The following GPC6 variants were observed in gnomAD, a reference collection of about 807,000 sequenced individuals.
GPC6 encodes the protein glypican 6.
A neutral mutation model predicts 55.2 loss-of-function variants in GPC6; 14 were observed. That is an observed-to-expected ratio of 0.25 (90% CI 0.17 to 0.40). The LOEUF (loss-of-function observed/expected upper bound fraction) is 0.40. Among genes scored for constraint, GPC6 ranks in the 10% least tolerant of loss-of-function variants. GPC6 has a pLI of 1.00. For synonymous variants in GPC6, 278 were observed against 259.6 expected, an observed-to-expected ratio of 1.07 and a Z score of -0.68; for missense variants, 641 against 708.5, an observed-to-expected ratio of 0.90 and a Z score of 1.08.
chr13:93,749,835 CT>C (rs1214320489), intron 2 of GPC6, among the ~76,000 whole-genome samples: 6 of 152,038 alleles, frequency 3.9e-5, no homozygotes, highest in African/African-American at 1.4e-4. Context: ...AAAGATTATC[CT>C]TTTTCTAACA....
intron 2 of GPC6, among the ~76,000 whole-genome samples, chr13:93,735,588 C>T (rs1314325111): frequency 1.3e-5 from 2 of 151,878 alleles, no homozygotes; most frequent in African/African-American, 4.8e-5. Flanking sequence ...GGATGACAAT[C>T]ATCTTTGATC....
rs75725281 is a variant in GPC6, at chr13:93,852,301, T to G, written c.711+21756T>G. Among the ~76,000 whole-genome samples, 241 of 151,850 alleles carry G rather than the reference T, an allele frequency of 1.6e-3. 1 individual carries two copies. The East Asian group carries it at 0.022, about 14-fold the overall frequency. On this transcript the variant is annotated intron_variant, in intron 3 of 8. Coordinates refer to ENST00000377047, the MANE Select transcript of GPC6 (RefSeq NM_005708.5). ...CAATGCCTTTTGGAAACGCATACTT[T>G]GTAAACTGCATATAAGATACACATG...
chr13:94,341,487 G>A lies in GPC6; in HGVS notation c.1152+35364G>A, dbSNP rs150257566. 5.5e-3 allele frequency among the ~76,000 whole-genome samples: 834 copies of A among 151,860 alleles called. 22 individuals are homozygous for A. In the East Asian group the frequency reaches 0.094, roughly 17 times the overall value. ...TGTAATCCCAGCTCCTTGGGAGGCT[G>A]AGGCAGGAGAATTGCTTAACCGGGG... On this transcript the variant is annotated intron_variant, in intron 6 of 8. Transcript: ENST00000377047.
intron 3 of GPC6, among the ~76,000 whole-genome samples, chr13:93,916,779 T>A (rs1335854047): frequency 6.6e-6 from 1 of 150,952 alleles, no homozygotes; most frequent in East Asian, 2.0e-4. Context: ...ATGATAAAAC[T>A]GCAATGAGGA....
At chr13:93,796,540 A>G (rs9524222) in intron 2 of GPC6, among the ~76,000 whole-genome samples, 50,091 of 151,908 alleles carry the variant, frequency 0.33, 8,675 homozygotes, top group African/African-American at 0.43. Context: ...GAACATATTA[A>G]ATGACGTTAA....
intron 2 of GPC6, among the ~76,000 whole-genome samples, chr13:93,776,252 T>C (rs1885462649): frequency 6.6e-6 from 1 of 152,190 alleles, no homozygotes; most frequent in Non-Finnish European, 1.5e-5. Flanking sequence ...ATAGCAGTAG[T>C]AATGATAGCT....
intron 3 of GPC6, among the ~76,000 whole-genome samples, chr13:93,839,053 G>T (rs574890347): frequency 6.6e-5 from 10 of 152,252 alleles, no homozygotes; most frequent in African/African-American, 2.2e-4. Flanking sequence ...AAGAGAGAGA[G>T]AATTCAAGAA....
intron 2 of GPC6, among the ~76,000 whole-genome samples, chr13:93,565,235 A>C (rs987206368): frequency 6.6e-6 from 1 of 152,138 alleles, no homozygotes; most frequent in East Asian, 1.9e-4. Flanking sequence ...AGCAGCACTC[A>C]GTGTAACATT....
At chr13:93,530,300 A>G (rs886680357) in intron 1 of GPC6, among the ~76,000 whole-genome samples, 5 of 152,210 alleles carry the variant, frequency 3.3e-5, no homozygotes, top group African/African-American at 7.2e-5. Context: ...TTAAGCACAC[A>G]GTAGAACCAT....
chr13:93,490,573 G>C (rs1252794527), intron 1 of GPC6, among the ~76,000 whole-genome samples: 1 of 129,562 alleles, frequency 7.7e-6, no homozygotes, highest in Non-Finnish European at 1.6e-5. Context: ...CGTTGTGCAG[G>C]TTAGTTACAT....
chr13:93,851,672 T>G (rs1888406261), intron 3 of GPC6, among the ~76,000 whole-genome samples: 1 of 151,870 alleles, frequency 6.6e-6, no homozygotes, highest in Non-Finnish European at 1.5e-5. Context: ...AAAATTTAAT[T>G]GTATAATGAT....
chr13:94,290,802 T>A (rs1594137423), intron 5 of GPC6, among the ~76,000 whole-genome samples: 1 of 152,334 alleles, frequency 6.6e-6, no homozygotes, highest in East Asian at 1.9e-4. Flanking sequence ...TTTTGTGGAA[T>A]TTTTCCAACT....
At chr13:93,960,645 A>T (rs574624670) in intron 3 of GPC6, among the ~76,000 whole-genome samples, 2 of 151,980 alleles carry the variant, frequency 1.3e-5, no homozygotes, top group Non-Finnish European at 2.9e-5. Flanking sequence ...AAAAGTACTA[A>T]AACACTTCAC....
At chr13:93,886,693 A>G (rs1447276489) in intron 3 of GPC6, among the ~76,000 whole-genome samples, 1 of 151,362 alleles carries the variant, frequency 6.6e-6, no homozygotes, top group Non-Finnish European at 1.5e-5. Context: ...GGACAGGCAT[A>G]CAATGACGTT....
At chr13:94,087,722 A>G (rs1014405979) in intron 4 of GPC6, among the ~76,000 whole-genome samples, 3 of 152,196 alleles carry the variant, frequency 2.0e-5, no homozygotes, top group African/African-American at 4.8e-5. Flanking sequence ...CTGCCCTTCA[A>G]TGGGGAAAAG....
chr13:93,751,853 T>A (rs948429174), intron 2 of GPC6, among the ~76,000 whole-genome samples: 2 of 152,134 alleles, frequency 1.3e-5, no homozygotes, highest in African/African-American at 4.8e-5. Context: ...TCCTCCCCCA[T>A]TGGCCTACCA....
At chr13:93,891,240 A>G (rs1300830604) in intron 3 of GPC6, among the ~76,000 whole-genome samples, 1 of 152,130 alleles carries the variant, frequency 6.6e-6, no homozygotes, top group African/African-American at 2.4e-5. Flanking sequence ...GAAAAAAGCA[A>G]ATTATGCTGA....
At chr13:94,099,588 T>A (rs1885782141) in intron 4 of GPC6, among the ~76,000 whole-genome samples, 1 of 152,190 alleles carries the variant, frequency 6.6e-6, no homozygotes, top group African/African-American at 2.4e-5. Flanking sequence ...ACTAGTTTTT[T>A]ATTAAAAGGT....
chr13:93,655,020 T>G (rs1487264358), intron 2 of GPC6, among the ~76,000 whole-genome samples: 1 of 116,472 alleles, frequency 8.6e-6, no homozygotes, highest in African/African-American at 3.0e-5. Context: ...TTTTTTTTTT[T>G]TTTGTATTTT....
Sources: allele counts gnomAD v4.1 joint callset (sites outside exome capture counted in the v4.1 genomes callset), GRCh38; gene constraint gnomAD v4.1.1; transcripts MANE v1.5; gene names NCBI Gene and HGNC (gene_info 2026-07-23, HGNC 2026-07-21).